SKI: variants seen among roughly 807,000 people sequenced by gnomAD.
SKI encodes the protein SKI proto-oncogene.
In SKI, 23 loss-of-function variants were observed where a neutral mutation model predicts 59.3. That is an observed-to-expected ratio of 0.39 (90% CI 0.28 to 0.55). The LOEUF (loss-of-function observed/expected upper bound fraction) is 0.55. SKI is among the 20% of genes least tolerant of loss of function. The pLI, the probability that SKI is intolerant of heterozygous loss-of-function variation, is 0.67. For missense variants in SKI, 1,017 were observed against 1,038.9 expected (o/e 0.98, Z 0.29); for synonymous variants, 673 against 488.6 (o/e 1.38, Z -4.98).
intron 1 of SKI, 61 bp from the exon 2 acceptor site, chr1:2,302,917 C>T (rs1230169636): frequency 1.9e-6 from 3 of 1,610,832 alleles, no homozygotes; most frequent in Non-Finnish European, 2.5e-6. Context: ...AGCCACGGGG[C>T]TGGTGGAGGG....
chr1:2,303,142 A>G lies in SKI; in HGVS notation c.1095+39A>G, dbSNP rs1204815959. 6.2e-7 allele frequency: 1 copy of G among 1,611,974 alleles called. No homozygotes were observed. Among genetic ancestry groups the G allele is most frequent in the African/African-American group, 1.3e-5 (1 of 74,888 alleles). On this transcript the variant is annotated intron_variant, in intron 2 of 6. Transcript: ENST00000378536. This position sits in a 1 kb window ranked among gnomAD's most constrained non-coding sequence, Gnocchi z 5.6. ...TGTCGGGGTCCTTGGGGTGGTGGGT[A>G]CTGGGCCCTTCTCCTTGGGCAGACC...
intron 1 of SKI, among the ~76,000 whole-genome samples, chr1:2,247,554 T>C (rs948924813): frequency 3.3e-5 from 5 of 152,178 alleles, no homozygotes; most frequent in African/African-American, 1.2e-4. Flanking sequence ...GGTGGTGTGG[T>C]GGACCCGGGG....
At position 2,307,637 on chromosome 1, in the gene SKI, T is replaced by A. The variant is rs1252340600; in HGVS notation, c.*872T>A. 1 of 152,544 alleles carries A rather than the reference T, an allele frequency of 6.6e-6. No homozygotes were observed. The highest frequency in any genetic ancestry group is 1.5e-5 in the Non-Finnish European group (1 of 68,052). The allele number at this position is 152,544 out of a possible 1,614,324, so 9.4% of individuals were successfully genotyped here. A position where few individuals can be genotyped will look rare whatever the true frequency, so the allele number is the denominator to read the frequency against. ...TTCAGTTCGGCAAACGTCGCTCCCT[T>A]CATTTTGGGACTGAGGCTGCAGCAT... On this transcript the variant is annotated 3_prime_UTR_variant, in exon 7 of 7. Coordinates refer to ENST00000378536, the MANE Select transcript of SKI (RefSeq NM_003036.4).
chr1:2,229,840 G>A lies in SKI; in HGVS notation c.969+105G>A. On this transcript the variant is annotated intron_variant, in intron 1 of 6. Transcript: ENST00000378536. The surrounding 1 kb of genome is among the most constrained non-coding windows in gnomAD (Gnocchi z 6.3). ...GAAGGCTGGGACCTGTGCTTCTGCCGTGCCCCATGTCTCCAGTCTTCGCTT... is the reference window on the plus strand; with the variant it reads ...GAAGGCTGGGACCTGTGCTTCTGCCATGCCCCATGTCTCCAGTCTTCGCTT... The A allele has an allele frequency of 1.3e-6, 2 of 1,527,102 alleles. No individual in the cohort carries two copies. Among genetic ancestry groups the A allele is most frequent in the Non-Finnish European group, 1.8e-6 (2 of 1,131,408 alleles). The allele number at this position is 1,527,102 out of a possible 1,614,324, so 94.6% of individuals were successfully genotyped here. A position where few individuals can be genotyped will look rare whatever the true frequency, so the allele number is the denominator to read the frequency against.
rs1396930450 is a variant in SKI, at chr1:2,228,910, G to A, written c.144G>A (p.Lys48=). The A allele has an allele frequency of 3.5e-6, 5 of 1,410,002 alleles. No individual in the cohort carries two copies. Among genetic ancestry groups the A allele is most frequent in the African/African-American group, 1.5e-5 (1 of 66,920 alleles). The allele number at this position is 1,410,002 out of a possible 1,614,324, so 87.3% of individuals were successfully genotyped here. Residue 48 remains lysine, a synonymous_variant, in exon 1 of 7, where the codon AAG becomes AAA. Transcript: ENST00000378536. ...CGCGCTGGGCGCAGGAGGCCTACAA[G>A]AAGGAGAGCGCCAAGGAGGCGGGCG... ...FSARWAQEAY[K]KESAKEAGAA...
At position 2,267,773 on chromosome 1, in the gene SKI, A is replaced by C. The variant is rs1280467987; in HGVS notation, c.970-35205A>C. On this transcript the variant is annotated intron_variant, in intron 1 of 6. Transcript: ENST00000378536. The surrounding 1 kb of genome is among the most constrained non-coding windows in gnomAD (Gnocchi z 4.1). ...CTGATGCATGGGCCTTTCTACTTCC[A>C]GACTGTCCCAGGACACGGGTCCACG... Among the ~76,000 whole-genome samples the C allele has an allele frequency of 2.6e-5, 4 of 152,220 alleles. No homozygotes were observed. Among genetic ancestry groups the C allele is most frequent in the Non-Finnish European group, 5.9e-5 (4 of 68,032 alleles).
rs897624404 is a variant in SKI at position 2,267,962 on chromosome 1, C to T, written c.970-35016C>T. Among the ~76,000 whole-genome samples the T allele has an allele frequency of 6.6e-6, 1 of 152,296 alleles. No homozygotes were observed. The highest frequency in any genetic ancestry group is 2.1e-4 in the South Asian group (1 of 4,830). On this transcript the variant is annotated intron_variant, in intron 1 of 6. Transcript: ENST00000378536. This position sits in a 1 kb window ranked among gnomAD's most constrained non-coding sequence, Gnocchi z 4.1. Reference sequence around the variant, plus strand: ...GGCCTGTGTGCTGTGGTGGTCGTGGCTCTGTGGGTGCCGGGCAGAGGCCTC... The same window carrying T: ...GGCCTGTGTGCTGTGGTGGTCGTGGTTCTGTGGGTGCCGGGCAGAGGCCTC...
intron 1 of SKI, among the ~76,000 whole-genome samples, chr1:2,243,348 C>T (rs1012111007): frequency 1.3e-5 from 2 of 152,248 alleles, no homozygotes; most frequent in African/African-American, 2.4e-5. Context: ...TCGTGCTCCT[C>T]GGCAGGGGGC....
chr1:2,272,779 C>T (rs1257212386), intron 1 of SKI, among the ~76,000 whole-genome samples: 1 of 152,162 alleles, frequency 6.6e-6, no homozygotes, highest in Non-Finnish European at 1.5e-5. Flanking sequence ...CCTGCCCCGG[C>T]CTATGTGTGC....
At chr1:2,234,824 C>T (rs905596724) in intron 1 of SKI, among the ~76,000 whole-genome samples, 1 of 152,196 alleles carries the variant, frequency 6.6e-6, no homozygotes, top group Non-Finnish European at 1.5e-5. Context: ...TGAATTATTT[C>T]CCTAATATCT....
chr1:2,271,303 C>G (rs532437049), intron 1 of SKI, among the ~76,000 whole-genome samples: 2 of 152,050 alleles, frequency 1.3e-5, no homozygotes, highest in South Asian at 4.1e-4. Context: ...AGAGTCTGCT[C>G]GGTGGGGGAG....
chr1:2,273,157 C>G (rs1639666339), intron 1 of SKI, among the ~76,000 whole-genome samples: 1 of 152,216 alleles, frequency 6.6e-6, no homozygotes, highest in African/African-American at 2.4e-5. Context: ...CGTCTGAGAC[C>G]CACCTGGGGG....
chr1:2,290,194 G>A (rs1223248615), intron 1 of SKI, among the ~76,000 whole-genome samples: 2 of 152,056 alleles, frequency 1.3e-5, no homozygotes, highest in Non-Finnish European at 2.9e-5. Flanking sequence ...GGCTGCCCCC[G>A]GCAGAGCCTT....
rs1423413734 is a variant in SKI at position 2,241,959 on chromosome 1, G to GTT, written c.969+12225_969+12226insTT. 2.6e-5 allele frequency among the ~76,000 whole-genome samples: 4 copies of GTT among 151,732 alleles called. No homozygotes were observed. The East Asian group carries it at 7.7e-4, about 29-fold the overall frequency. On this transcript the variant is annotated intron_variant, in intron 1 of 6. Transcript: ENST00000378536. ...TCCGTGCATGCCTGTCTGTGTGTGT[G>GTT]TGTGTGTGTGTGCCTGTGTGTGCCT...
At chr1:2,273,834 G>C (rs924581237) in intron 1 of SKI, among the ~76,000 whole-genome samples, 3 of 152,212 alleles carry the variant, frequency 2.0e-5, no homozygotes, top group Non-Finnish European at 4.4e-5. Context: ...TCTGTGGACC[G>C]GGTGCGGATG....
chr1:2,252,035 G>C (rs1639162377), intron 1 of SKI, among the ~76,000 whole-genome samples: 1 of 152,186 alleles, frequency 6.6e-6, no homozygotes, highest in African/African-American at 2.4e-5. Context: ...GTCTTTGCCA[G>C]TGCTCTGCAC....
rs950323536 is a variant in SKI at position 2,249,328 on chromosome 1, T to C, written c.969+19593T>C. Reference sequence around the variant, plus strand: ...TCCAGGGTCCAGCGTGCAGGCCGGATGTTCCTAGCGTTGCCGGCCACGCAG... The same window carrying C: ...TCCAGGGTCCAGCGTGCAGGCCGGACGTTCCTAGCGTTGCCGGCCACGCAG... On this transcript the variant is annotated intron_variant, in intron 1 of 6. Transcript: ENST00000378536. Among the ~76,000 whole-genome samples, 9 of 152,302 alleles carry C rather than the reference T, an allele frequency of 5.9e-5. 1 individual carries two copies. In the South Asian group the frequency reaches 1.9e-3, roughly 32 times the overall value.
At chr1:2,232,217 A>G (rs899070865) in intron 1 of SKI, among the ~76,000 whole-genome samples, 3 of 152,246 alleles carry the variant, frequency 2.0e-5, no homozygotes, top group African/African-American at 7.2e-5. Context: ...GCCGAAGATG[A>G]GGGCAGAACA....
chr1:2,241,062 A>G (rs1423899275), intron 1 of SKI, among the ~76,000 whole-genome samples: 1 of 152,154 alleles, frequency 6.6e-6, no homozygotes, highest in Non-Finnish European at 1.5e-5. Context: ...CTAAACGTTG[A>G]CACATGGAAG....
Sources: gnomAD v4.1 joint callset for allele counts (sites outside exome capture counted in the v4.1 genomes callset) on GRCh38, gnomAD v4.1.1 for gene constraint, Gnocchi (gnomAD v3.1) non-coding constraint, MANE v1.5 for transcripts, NCBI Gene and HGNC (gene_info 2026-07-23, HGNC 2026-07-21) for gene names.